GSE1: variants seen among roughly 807,000 people sequenced by gnomAD.
GSE1 encodes the protein genetic suppressor element 1.
A neutral mutation model predicts 112.6 loss-of-function variants in GSE1; 32 were observed. That is an observed-to-expected ratio of 0.28 (90% CI 0.21 to 0.38). GSE1 has a LOEUF of 0.38. GSE1 is among the 10% of genes least tolerant of loss of function. The pLI is 1.00. For synonymous variants in GSE1, 1,115 were observed against 735.6 expected (o/e 1.52, Z -8.35); for missense variants, 2,348 against 1,699.2 (o/e 1.38, Z -6.71).
At chr16:85,250,234 T>C (rs1906317540) in intron 1 of GSE1, among the ~76,000 whole-genome samples, 1 of 152,196 alleles carries the variant, frequency 6.6e-6, no homozygotes, top group African/African-American at 2.4e-5. Flanking sequence ...TCTTTCAGAA[T>C]GGGCTTGGAC....
intron 1 of GSE1, among the ~76,000 whole-genome samples, chr16:85,587,418 C>T (rs1390706594): frequency 1.3e-5 from 2 of 152,216 alleles, no homozygotes; most frequent in African/African-American, 4.8e-5. Flanking sequence ...TCATAAAACA[C>T]ATCACAGCAG....
intron 2 of GSE1, among the ~76,000 whole-genome samples, chr16:85,451,859 T>C (rs1240035978): frequency 1.3e-5 from 2 of 152,166 alleles, no homozygotes; most frequent in Admixed American, 6.5e-5. Context: ...GCACCACAAA[T>C]GGTTTGCCCG....
Position 85,668,292 on chromosome 16 carries a change from C to G in GSE1, c.3283C>G (p.Gln1095Glu), listed in dbSNP as rs766679176. 4.3e-6 allele frequency: 7 copies of G among 1,613,024 alleles called. No individual in the cohort carries two copies. The highest frequency in any genetic ancestry group is 1.7e-5 in the Admixed American group (1 of 60,004). The change falls in exon 14 of 16, where the codon CAG (glutamine) becomes GAG (glutamate). Residue 1095 changes from glutamine to glutamate, a missense_variant. By Grantham distance (29) the Gln-to-Glu change is conservative. Coordinates refer to ENST00000253458, the MANE Select transcript of GSE1 (RefSeq NM_014615.5). ...PPTARKGPPT[Q>E]ELDRDSEEEE... ...CACTGCAAGGAAGGGCCCCCCAACCCAGGAGTTGGACCGGGACTCGGAGGA... is the reference window on the plus strand; with the variant it reads ...CACTGCAAGGAAGGGCCCCCCAACCGAGGAGTTGGACCGGGACTCGGAGGA...
intron 2 of GSE1, among the ~76,000 whole-genome samples, chr16:85,532,561 C>T (rs1202365671): frequency 6.6e-6 from 1 of 152,226 alleles, no homozygotes; most frequent in African/African-American, 2.4e-5. Flanking sequence ...CACGTCTGGC[C>T]TAGCGCTGGG....
chr16:85,334,366 C>T (rs1249281171), intron 1 of GSE1, among the ~76,000 whole-genome samples: 2 of 152,202 alleles, frequency 1.3e-5, no homozygotes, highest in African/African-American at 4.8e-5. Flanking sequence ...TTGGACAGGG[C>T]CTGCATGGGG....
intron 2 of GSE1, among the ~76,000 whole-genome samples, chr16:85,377,999 C>T (rs2047458450): frequency 6.6e-6 from 1 of 152,236 alleles, no homozygotes; most frequent in African/African-American, 2.4e-5. Context: ...TCGGCTCCGT[C>T]ATCTGCACCC....
chr16:85,561,288 G>A (rs571296186), intron 1 of GSE1, among the ~76,000 whole-genome samples: 6 of 152,190 alleles, frequency 3.9e-5, no homozygotes, highest in Non-Finnish European at 7.3e-5. Flanking sequence ...GAGAGATTGA[G>A]GTCACATGTG....
intron 1 of GSE1, among the ~76,000 whole-genome samples, chr16:85,224,335 AAC>A (rs2075446495): frequency 6.9e-6 from 1 of 144,426 alleles, no homozygotes; most frequent in Non-Finnish European, 1.5e-5. Context: ...AAAAAAAGGG[AAC>A]ACACAGGGGC....
At chr16:85,498,279 A>G (rs1282859407) in intron 2 of GSE1, among the ~76,000 whole-genome samples, 1 of 152,140 alleles carries the variant, frequency 6.6e-6, no homozygotes, top group African/African-American at 2.4e-5. Flanking sequence ...ACCAACACAC[A>G]TGCATAGATG....
intron 1 of GSE1, among the ~76,000 whole-genome samples, chr16:85,278,351 G>T (rs977537574): frequency 1.3e-5 from 2 of 152,354 alleles, no homozygotes; most frequent in African/African-American, 4.8e-5. Flanking sequence ...GGTGCTCTGA[G>T]CACCCTTACT....
At chr16:85,209,394 C>T (rs1057368474) in intron 1 of GSE1, among the ~76,000 whole-genome samples, 6 of 152,258 alleles carry the variant, frequency 3.9e-5, no homozygotes, top group Non-Finnish European at 7.4e-5. Context: ...CCCGTGCCCC[C>T]GCCCCTGCTC....
chr16:85,401,050 C>T (rs534856363), intron 2 of GSE1, among the ~76,000 whole-genome samples: 16 of 152,234 alleles, frequency 1.1e-4, no homozygotes, highest in South Asian at 4.1e-4. Flanking sequence ...CGAAGACCTC[C>T]GCGTGGAGGC....
At chr16:85,417,810 G>A (rs1156824650) in intron 2 of GSE1, among the ~76,000 whole-genome samples, 2 of 152,260 alleles carry the variant, frequency 1.3e-5, no homozygotes, top group Non-Finnish European at 2.9e-5. Flanking sequence ...CTGATTCCAT[G>A]GGTCTGAGGC....
At chr16:85,587,381 C>T (rs908828062) in intron 1 of GSE1, among the ~76,000 whole-genome samples, 1 of 152,220 alleles carries the variant, frequency 6.6e-6, no homozygotes, top group South Asian at 2.1e-4. Flanking sequence ...AAACCTTCCC[C>T]CGGCCCTGGC....
intron 1 of GSE1, among the ~76,000 whole-genome samples, chr16:85,570,063 G>A (rs536115237): frequency 6.6e-6 from 1 of 152,316 alleles, no homozygotes; most frequent in African/African-American, 2.4e-5. Context: ...GGCTGAACTG[G>A]CCACTTCTTG....
At chr16:85,668,061 C>T (rs1408179719) in intron 13 of GSE1, 79 bp from the exon 14 acceptor site, 9 of 1,086,116 alleles carry the variant, frequency 8.3e-6, no homozygotes, top group East Asian at 2.4e-5. Context: ...GCACCAAGGG[C>T]AGAGCAGAGC....
intron 2 of GSE1, among the ~76,000 whole-genome samples, chr16:85,418,070 C>G (rs945021760): frequency 3.3e-4 from 50 of 152,328 alleles, no homozygotes; most frequent in African/African-American, 1.2e-3. Context: ...AACTCCTGAC[C>G]TCGTGATCCA....
intron 2 of GSE1, among the ~76,000 whole-genome samples, chr16:85,427,013 G>A (rs960963052): frequency 1.3e-5 from 2 of 152,166 alleles, no homozygotes; most frequent in African/African-American, 4.8e-5. Flanking sequence ...CCTAGGAAAT[G>A]GAGCTATGAG....
At chr16:85,279,921 G>C (rs2044806056) in intron 1 of GSE1, among the ~76,000 whole-genome samples, 1 of 152,222 alleles carries the variant, frequency 6.6e-6, no homozygotes, top group Non-Finnish European at 1.5e-5. Context: ...GGAGATGGCA[G>C]CTCATTAAGT....
Sources: gnomAD v4.1 joint callset for allele counts (sites outside exome capture counted in the v4.1 genomes callset) on GRCh38, gnomAD v4.1.1 for gene constraint, MANE v1.5 for transcripts, NCBI Gene and HGNC (gene_info 2026-07-23, HGNC 2026-07-21) for gene names.